The following EPC2 variants were observed in gnomAD, a reference collection of about 807,000 sequenced individuals.
The protein encoded by EPC2 is enhancer of polycomb homolog 2.
A neutral mutation model predicts 92.1 loss-of-function variants in EPC2; 14 were observed. The ratio of observed to expected loss-of-function variants is 0.15; its 90% confidence interval spans 0.10 to 0.24. The LOEUF (loss-of-function observed/expected upper bound fraction) is 0.24, where lower values mean the gene tolerates loss of function less well. EPC2 is among the 10% of genes least tolerant of loss of function. The probability of loss-of-function intolerance (pLI) is 1.00; values close to 1 mark genes in which losing one functional copy is unlikely to be tolerated. For missense variants in EPC2, 755 were observed against 971.5 expected (o/e 0.78, Z 2.96); for synonymous variants, 340 against 334.7 (o/e 1.02, Z -0.17).
intron 1 of EPC2, among the ~76,000 whole-genome samples, chr2:148,649,053 G>T (rs553279119): frequency 6.6e-6 from 1 of 152,318 alleles, no homozygotes; most frequent in South Asian, 2.1e-4. Flanking sequence ...GCAGCCAGCG[G>T]TTCTGCCGCC....
At chr2:148,721,987 T>C (rs1253319256) in intron 2 of EPC2, among the ~76,000 whole-genome samples, 1 of 151,754 alleles carries the variant, frequency 6.6e-6, no homozygotes, top group Non-Finnish European at 1.5e-5. Context: ...CTTATAGTTT[T>C]CTGAAATTCC....
intron 1 of EPC2, among the ~76,000 whole-genome samples, chr2:148,679,898 T>TTGCC (rs1681360266): frequency 6.6e-6 from 1 of 152,180 alleles, no homozygotes; most frequent in African/African-American, 2.4e-5. Context: ...TCCTCCTGTC[T>TTGCC]TGCCTCCCAA....
chr2:148,685,412 C>T (rs1053140048), intron 1 of EPC2, among the ~76,000 whole-genome samples: 4 of 152,106 alleles, frequency 2.6e-5, no homozygotes, highest in African/African-American at 4.8e-5. Flanking sequence ...CACAATAAAG[C>T]GAGTAACACT....
chr2:148,685,566 C>G (rs963146433), intron 1 of EPC2, among the ~76,000 whole-genome samples: 6 of 152,300 alleles, frequency 3.9e-5, no homozygotes, highest in African/African-American at 1.2e-4. Flanking sequence ...CGAGACCATC[C>G]TGGCTAACAC....
intron 1 of EPC2, among the ~76,000 whole-genome samples, chr2:148,688,173 A>G (rs1207997599): frequency 4.6e-5 from 7 of 152,266 alleles, no homozygotes; most frequent in East Asian, 1.9e-4. Context: ...ATGTCCAACA[A>G]TGATAGACTG....
chr2:148,706,034 C>T (rs1030611373), intron 2 of EPC2, among the ~76,000 whole-genome samples: 1 of 152,264 alleles, frequency 6.6e-6, no homozygotes, highest in African/African-American at 2.4e-5. Context: ...TTCAGAAAGT[C>T]GGTAATAACA....
chr2:148,714,339 T>C (rs932836797), intron 2 of EPC2, among the ~76,000 whole-genome samples: 4 of 152,106 alleles, frequency 2.6e-5, no homozygotes, highest in Non-Finnish European at 4.4e-5. Context: ...GTTGATTCCA[T>C]GTCTTTGGTA....
At position 148,761,913 on chromosome 2, in the gene EPC2, A is replaced by G; in HGVS notation, c.798A>G (p.Leu266=). 6.3e-7 allele frequency: 1 copy of G among 1,589,306 alleles called. No individual in the cohort carries two copies. The highest frequency in any genetic ancestry group is 8.5e-7 in the Non-Finnish European group (1 of 1,172,326). The change falls in exon 5 of 14, where the codon TTA becomes TTG. Residue 266 remains leucine, a synonymous_variant. Transcript: ENST00000258484. ...KTKRELLHLT[L]EVVEKRYHLG... ...AACGAGAATTATTGCACTTAACCTT[A>G]GAAGTTGTGGAGAAAAGGTAACATT... is the stretch of plus-strand genomic sequence containing the variant.
In EPC2 at chr2:148,753,310, A is replaced by G. The variant is rs75029738; in HGVS notation, c.460-617A>G. 4.4e-4 allele frequency among the ~76,000 whole-genome samples: 67 copies of G among 152,332 alleles called. No individual in the cohort carries two copies. The East Asian group carries it at 0.012, about 27-fold the overall frequency. On this transcript the variant is annotated intron_variant, in intron 3 of 13. Coordinates refer to ENST00000258484, the MANE Select transcript of EPC2 (RefSeq NM_015630.4). ...GTCATTAGCAGAATGAGTGTTAAGA[A>G]TAAGTATTCTCTAGTACTTAACACT... is the stretch of plus-strand genomic sequence containing the variant.
At chr2:148,734,113 T>A (rs1389735923) in intron 2 of EPC2, among the ~76,000 whole-genome samples, 4 of 152,178 alleles carry the variant, frequency 2.6e-5, no homozygotes, top group Non-Finnish European at 5.9e-5. Context: ...AATTAGAATT[T>A]TATATATATG....
At chr2:148,720,018 T>A (rs531432896) in intron 2 of EPC2, among the ~76,000 whole-genome samples, 60 of 152,262 alleles carry the variant, frequency 3.9e-4, no homozygotes, top group African/African-American at 1.4e-3. Context: ...TGGCCATGCC[T>A]TGACAAAACA....
At chr2:148,683,385 A>G (rs888684212) in intron 1 of EPC2, among the ~76,000 whole-genome samples, 1 of 151,802 alleles carries the variant, frequency 6.6e-6, no homozygotes, top group Non-Finnish European at 1.5e-5. Flanking sequence ...CTCCTGCCTC[A>G]GCCTCCCAAG....
chr2:148,748,918 G>C (rs1683037386), intron 3 of EPC2, among the ~76,000 whole-genome samples: 3 of 151,872 alleles, frequency 2.0e-5, no homozygotes, highest in Non-Finnish European at 4.4e-5. Flanking sequence ...TTTTCAGCTG[G>C]ACCACTGCTA....
intron 2 of EPC2, among the ~76,000 whole-genome samples, chr2:148,708,338 T>C (rs1311676608): frequency 6.6e-6 from 1 of 152,078 alleles, no homozygotes; most frequent in Non-Finnish European, 1.5e-5. Flanking sequence ...GCTCTGAAAT[T>C]GAAGCAATAA....
At chr2:148,772,010 G>T (rs2105432298) in intron 10 of EPC2, among the ~76,000 whole-genome samples, 1 of 152,076 alleles carries the variant, frequency 6.6e-6, no homozygotes, top group East Asian at 1.9e-4. Context: ...TGTTGGCCAG[G>T]CCAGTCTCGA....
chr2:148,729,570 G>A (rs143348879), intron 2 of EPC2, among the ~76,000 whole-genome samples: 86 of 152,198 alleles, frequency 5.7e-4, no homozygotes, highest in Admixed American at 9.1e-4. Context: ...CTGTTTAGGA[G>A]CCATTTGCAT....
At chr2:148,696,552 A>G (rs1435555740) in intron 2 of EPC2, among the ~76,000 whole-genome samples, 3 of 152,254 alleles carry the variant, frequency 2.0e-5, no homozygotes, top group Non-Finnish European at 1.5e-5. Flanking sequence ...GTATAGTGGC[A>G]CATATTTTAG....
At position 148,690,321 on chromosome 2, in the gene EPC2, T is replaced by C; in HGVS notation, c.261T>C (p.Asn87=). 6.2e-7 allele frequency: 1 copy of C among 1,612,106 alleles called. No homozygotes were observed. The highest frequency in any genetic ancestry group is 2.2e-5 in the East Asian group (1 of 44,784). ...PEAESNVNYY[N]RLYKGEFKQP... ...CAGAGAGCAACGTCAACTATTACAATCGCTTGTACAAAGGAGAGTTTAAAC... is the reference window on the plus strand; with the variant it reads ...CAGAGAGCAACGTCAACTATTACAACCGCTTGTACAAAGGAGAGTTTAAAC... Residue 87 remains asparagine (N), a synonymous_variant, in exon 2 of 14, where the codon AAT becomes AAC. Transcript: ENST00000258484.
chr2:148,665,221 C>G (rs1039738091), intron 1 of EPC2, among the ~76,000 whole-genome samples: 1 of 152,142 alleles, frequency 6.6e-6, no homozygotes, highest in African/African-American at 2.4e-5. Context: ...TTGGAATTAT[C>G]TGTATGGGTT....
Sources: allele counts gnomAD v4.1 joint callset (sites outside exome capture counted in the v4.1 genomes callset), GRCh38; gene constraint gnomAD v4.1.1; transcripts MANE v1.5; gene names NCBI Gene and HGNC (gene_info 2026-07-23, HGNC 2026-07-21).